Variants in DAB1 observed in about 807,000 individuals in gnomAD.
The protein encoded by DAB1 is DAB adaptor protein 1, also known as disabled homolog 1.
Under a neutral mutation model 64.6 loss-of-function variants are expected in DAB1, and 15 were observed. That is an observed-to-expected ratio of 0.23 (90% CI 0.16 to 0.36). DAB1 has a LOEUF of 0.36. DAB1 is among the 10% of genes least tolerant of loss of function. DAB1 has a pLI of 1.00. For missense variants in DAB1, 596 were observed against 706.7 expected (o/e 0.84, Z 1.78); for synonymous variants, 235 against 251.9 (o/e 0.93, Z 0.64).
intron 2 of DAB1, among the ~76,000 whole-genome samples, chr1:57,247,733 A>T (rs558211704): frequency 6.6e-6 from 1 of 152,206 alleles, no homozygotes; most frequent in Non-Finnish European, 1.5e-5. Flanking sequence ...AGCCCACATA[A>T]TATAAGTAGA....
intron 1 of DAB1, among the ~76,000 whole-genome samples, chr1:57,323,915 A>G (rs1675937795): frequency 6.6e-6 from 1 of 151,966 alleles, no homozygotes; most frequent in Admixed American, 6.6e-5. Context: ...GATGATAGGT[A>G]TTAGTATTTG....
chr1:57,605,124 G>A (rs1488606759), intron 7 of DAB1, among the ~76,000 whole-genome samples: 5 of 152,132 alleles, frequency 3.3e-5, no homozygotes, highest in Non-Finnish European at 5.9e-5. Flanking sequence ...AAATGAGAAG[G>A]AGACAATGAA....
At position 58,064,138 on chromosome 1, in the gene DAB1, T is replaced by C. The variant is rs548769664; in HGVS notation, n.387+86373A>G. 2.4e-3 allele frequency among the ~76,000 whole-genome samples: 371 copies of C among 152,246 alleles called. 1 individual carries two copies. Among genetic ancestry groups the C allele is most frequent in the African/African-American group, 4.6e-3 (193 of 41,540 alleles). ...CAGTCAGGAGCCAAGGAACCAGCTA[T>C]AGAGATATGAGATAGGGAAGAAAGA... On this transcript the variant is annotated intron_variant and non_coding_transcript_variant, in intron 5 of 20. Transcript: ENST00000485760.
At chr1:57,891,013 T>C (rs1644304864) in intron 5 of DAB1, among the ~76,000 whole-genome samples, 2 of 152,152 alleles carry the variant, frequency 1.3e-5, no homozygotes, top group African/African-American at 4.8e-5. Context: ...AATTGATAAA[T>C]GGGATCTAAT....
intron 6 of DAB1, among the ~76,000 whole-genome samples, chr1:57,731,671 G>A (rs1024169049): frequency 6.6e-6 from 1 of 151,934 alleles, no homozygotes; most frequent in African/African-American, 2.4e-5. Flanking sequence ...CAGGCATGGT[G>A]GTGCATGTCT....
rs571948560 is a variant in DAB1, at chr1:57,705,987, T to G, written n.552-56322A>C. Among the ~76,000 whole-genome samples the G allele has an allele frequency of 7.1e-4, 108 of 151,962 alleles. 1 individual carries two copies. The highest frequency in any genetic ancestry group is 1.2e-3 in the Non-Finnish European group (84 of 67,988). ...GCATCTTACTTTTTCACGGCTTACT[T>G]TTTTTCAAATATATAATTTAAGGTA... is the stretch of plus-strand genomic sequence containing the variant. On this transcript the variant is annotated intron_variant and non_coding_transcript_variant, in intron 6 of 20. Coordinates refer to the DAB1 transcript ENST00000485760.
chr1:58,126,700 T>C (rs1442227460), intron 5 of DAB1, among the ~76,000 whole-genome samples: 2 of 144,894 alleles, frequency 1.4e-5, no homozygotes, highest in African/African-American at 5.1e-5. Flanking sequence ...GGAGTGAGAA[T>C]ATGCGGTGTT....
chr1:57,589,525 G>A (rs1048530313), intron 7 of DAB1, among the ~76,000 whole-genome samples: 1 of 152,176 alleles, frequency 6.6e-6, no homozygotes, highest in Admixed American at 6.5e-5. Flanking sequence ...GGGAGGCCAA[G>A]ATGAGCAGAT....
At chr1:57,298,165 C>G (rs1673355672) in intron 1 of DAB1, among the ~76,000 whole-genome samples, 1 of 152,000 alleles carries the variant, frequency 6.6e-6, no homozygotes, top group Non-Finnish European at 1.5e-5. Flanking sequence ...TCTGATCTGA[C>G]CATGGCAATT....
intron 1 of DAB1, among the ~76,000 whole-genome samples, chr1:57,305,990 A>C (rs1674124856): frequency 6.6e-6 from 1 of 151,472 alleles, no homozygotes. Context: ...AAAAAAGAAA[A>C]AAGAAAAGAA....
At chr1:57,196,717 A>G (rs1377066164) in intron 2 of DAB1, among the ~76,000 whole-genome samples, 2 of 152,238 alleles carry the variant, frequency 1.3e-5, no homozygotes, top group Non-Finnish European at 2.9e-5. Flanking sequence ...TAAATCAGAA[A>G]TTAAAAATAT....
At chr1:58,353,015 T>G (rs1380385809) in intron 3 of DAB1, among the ~76,000 whole-genome samples, 1 of 152,142 alleles carries the variant, frequency 6.6e-6, no homozygotes, top group East Asian at 1.9e-4. Context: ...GTATTTTTGC[T>G]TAGCCCAAAC....
At chr1:57,646,775 C>CA (rs1414864836) in intron 7 of DAB1, among the ~76,000 whole-genome samples, 1 of 152,036 alleles carries the variant, frequency 6.6e-6, no homozygotes, top group East Asian at 1.9e-4. Flanking sequence ...AACAAAACCC[C>CA]AAAATACTCT....
chr1:57,446,629 A>G (rs1258875906), intron 7 of DAB1, among the ~76,000 whole-genome samples: 1 of 151,592 alleles, frequency 6.6e-6, no homozygotes, highest in Non-Finnish European at 1.5e-5. Context: ...TAGAGAATCC[A>G]GTTTTAGCTG....
rs1645258812 is a variant in DAB1, at chr1:58,462,950, G to A, written n.257+43110C>T. On this transcript the variant is annotated intron_variant and non_coding_transcript_variant, in intron 3 of 20. Coordinates refer to the DAB1 transcript ENST00000485760. ...TGTTATAACCTCAGCTTCCTTGTCT[G>A]TAAAATGGGGGTAGTTTATGTACTA... Among the ~76,000 whole-genome samples the A allele has an allele frequency of 2.6e-5, 4 of 152,312 alleles. No homozygotes were observed. The South Asian group carries it at 8.3e-4, about 32-fold the overall frequency.
At chr1:58,133,746 T>C (rs1452966540) in intron 5 of DAB1, among the ~76,000 whole-genome samples, 2 of 152,218 alleles carry the variant, frequency 1.3e-5, no homozygotes, top group African/African-American at 4.8e-5. Context: ...CTCTGTGAAG[T>C]TTCCAAGTGT....
At chr1:57,651,997 T>C (rs2101656259) in intron 6 of DAB1, among the ~76,000 whole-genome samples, 1 of 152,280 alleles carries the variant, frequency 6.6e-6, no homozygotes, top group East Asian at 1.9e-4. Context: ...TAATTTATAG[T>C]TTAAATGATA....
At chr1:57,698,414 C>A (rs1487892842) in intron 6 of DAB1, among the ~76,000 whole-genome samples, 8 of 152,062 alleles carry the variant, frequency 5.3e-5, no homozygotes, top group Admixed American at 1.3e-4. Context: ...ACTTTGAGGA[C>A]CAATTTGAAT....
intron 6 of DAB1, among the ~76,000 whole-genome samples, chr1:57,797,175 C>T (rs902125284): frequency 1.3e-5 from 2 of 152,190 alleles, no homozygotes; most frequent in African/African-American, 4.8e-5. Context: ...CACCTTGTTG[C>T]TCTTTTTCCT....
Sources: allele counts gnomAD v4.1 joint callset (sites outside exome capture counted in the v4.1 genomes callset), GRCh38; gene constraint gnomAD v4.1.1; transcripts MANE v1.5; gene names NCBI Gene and HGNC (gene_info 2026-07-23, HGNC 2026-07-21).